Variants in EXOC6 observed in about 807,000 individuals in gnomAD.
EXOC6 encodes the protein exocyst complex component 6, also known as SEC15-like 1.
In EXOC6, 60 loss-of-function variants were observed where a neutral mutation model predicts 112.5. The ratio of observed to expected loss-of-function variants is 0.53; its 90% CI spans 0.43 to 0.66. EXOC6 has a LOEUF of 0.66. Ranked by LOEUF, EXOC6 falls within the 30% of genes least tolerant of loss-of-function variation. The probability of loss-of-function intolerance (pLI) is 0.00; values close to 1 mark genes in which losing one functional copy is unlikely to be tolerated. For missense variants in EXOC6, 855 were observed against 957.1 expected (o/e 0.89, Z 1.41); for synonymous variants, 295 against 308.0 (o/e 0.96, Z 0.44).
intron 20 of EXOC6, among the ~76,000 whole-genome samples, chr10:93,049,357 G>A (rs965113215): frequency 3.3e-5 from 5 of 152,028 alleles, no homozygotes; most frequent in African/African-American, 9.7e-5. Flanking sequence ...CACCGTGCCC[G>A]GCCCAGCAGC....
In EXOC6 at chr10:92,964,003, T is replaced by A. The variant is rs547864571; in HGVS notation, c.1773+8289T>A. Among the ~76,000 whole-genome samples the A allele has an allele frequency of 5.5e-3, 800 of 145,324 alleles. 4 individuals are homozygous for A. Among genetic ancestry groups the A allele is most frequent in the African/African-American group, 0.016 (644 of 39,934 alleles). On this transcript the variant is annotated intron_variant, in intron 17 of 21. Coordinates refer to ENST00000260762, the MANE Select transcript of EXOC6 (RefSeq NM_019053.6). ...TATCCTAAAGCCTAATACTCTTTTT[T>A]AAAAAAAAAAAAATCACAGTAATAT...
chr10:93,009,807 G>A (rs1249804349), intron 19 of EXOC6, among the ~76,000 whole-genome samples: 2 of 152,192 alleles, frequency 1.3e-5, no homozygotes, highest in Non-Finnish European at 2.9e-5. Flanking sequence ...ATGATGAGAT[G>A]AGGCTGGCAG....
intron 5 of EXOC6, among the ~76,000 whole-genome samples, chr10:92,904,497 T>C (rs1016064032): frequency 6.6e-6 from 1 of 152,084 alleles, no homozygotes; most frequent in African/African-American, 2.4e-5. Context: ...CCTATTCTAA[T>C]AGGTGTGTAA....
chr10:93,038,062 A>C (rs1845596360), intron 20 of EXOC6, among the ~76,000 whole-genome samples: 1 of 149,812 alleles, frequency 6.7e-6, no homozygotes, highest in African/African-American at 2.5e-5. Flanking sequence ...AAAAAAAAAA[A>C]AAAATTTTTC....
In EXOC6 at chr10:92,828,946, CT is replaced by C. The variant is rs1412097577; in HGVS notation, c.-27+2006del. Among the ~76,000 whole-genome samples, 12 of 152,046 alleles carry C rather than the reference CT, an allele frequency of 7.9e-5. No individual in the cohort carries two copies. In the East Asian group the frequency reaches 2.3e-3, roughly 29 times the overall value. ...TAAGGAAGTCCTCCGTAAACTTTTCCTTTTAATGAAAAGCAGCCTCCAAATC... is the reference window on the plus strand; with the variant it reads ...TAAGGAAGTCCTCCGTAAACTTTTCCTTTAATGAAAAGCAGCCTCCAAATC... On this transcript the variant is annotated intron_variant, in intron 1 of 22. Transcript: ENST00000671701.
Position 92,935,803 on chromosome 10 carries a change from T to G in EXOC6, c.1141-11T>G. 6.3e-7 allele frequency: 1 copy of G among 1,593,962 alleles called. No homozygotes were observed. The highest frequency in any genetic ancestry group is 8.6e-7 in the Non-Finnish European group (1 of 1,165,352). On this transcript the variant is annotated splice_polypyrimidine_tract_variant and intron_variant, in intron 11 of 21. Transcript: ENST00000260762. ...CGGTGTTTTGTTTTGTTTGTGTGTTTCCACCCTCAGTCCTATTGCACTGAT... is the reference window on the plus strand; with the variant it reads ...CGGTGTTTTGTTTTGTTTGTGTGTTGCCACCCTCAGTCCTATTGCACTGAT...
intron 1 of EXOC6, among the ~76,000 whole-genome samples, chr10:92,855,101 A>G (rs1847536182): frequency 6.6e-6 from 1 of 152,150 alleles, no homozygotes; most frequent in African/African-American, 2.4e-5. Context: ...TAATTTTTTT[A>G]GAGACAAAAT....
intron 6 of EXOC6, among the ~76,000 whole-genome samples, chr10:92,912,793 T>C (rs1850862497): frequency 6.6e-6 from 1 of 152,156 alleles, no homozygotes; most frequent in Non-Finnish European, 1.5e-5. Flanking sequence ...GGAGTATGCC[T>C]TAACCCTAAA....
intron 21 of EXOC6, 55 bp downstream of exon 21, chr10:93,057,091 G>GA: frequency 1.1e-6 from 1 of 910,918 alleles, no homozygotes; most frequent in Non-Finnish European, 1.7e-6. Flanking sequence ...TTGATTCAGT[G>GA]ATAAACTGAA....
chr10:92,895,926 A>AT (rs1174139448), intron 4 of EXOC6, among the ~76,000 whole-genome samples: 45 of 99,182 alleles, frequency 4.5e-4, no homozygotes, highest in Non-Finnish European at 6.8e-4. Context: ...TAAACTTATT[A>AT]TTTTTTTTTT....
intron 20 of EXOC6, among the ~76,000 whole-genome samples, chr10:93,051,186 T>C (rs139394073): frequency 1.3e-5 from 2 of 152,160 alleles, no homozygotes; most frequent in Admixed American, 6.5e-5. Flanking sequence ...CTAGAGGTTA[T>C]CTAGGACTAC....
intron 20 of EXOC6, among the ~76,000 whole-genome samples, chr10:93,023,203 AC>A (rs1481194511): frequency 6.6e-6 from 1 of 151,950 alleles, no homozygotes; most frequent in African/African-American, 2.4e-5. Flanking sequence ...TTACCTGCCC[AC>A]CCGGACTTTG....
Position 92,895,037 on chromosome 10 carries a change from TA to T in EXOC6, c.412+18del. ...GCCTTCCTGGTGAGTTAAACTTGTC[TA>T]TAATAAAACGTTTGGCTTGGTAAAG... is the stretch of plus-strand genomic sequence containing the variant. On this transcript the variant is annotated intron_variant, in intron 4 of 21. Coordinates refer to ENST00000260762, the MANE Select transcript of EXOC6 (RefSeq NM_019053.6). 1 of 1,468,080 alleles carries T rather than the reference TA, an allele frequency of 6.8e-7. No homozygotes were observed. The highest frequency in any genetic ancestry group is 9.5e-7 in the Non-Finnish European group (1 of 1,049,242). The allele number at this position is 1,468,080 out of a possible 1,614,324, so 90.9% of individuals were successfully genotyped here.
intron 19 of EXOC6, among the ~76,000 whole-genome samples, chr10:93,002,137 T>TC (rs932184506): frequency 6.6e-6 from 1 of 152,076 alleles, no homozygotes; most frequent in African/African-American, 2.4e-5. Flanking sequence ...TGTGTATTCC[T>TC]CCCCCCCTTT....
chr10:93,048,711 G>A (rs896594928), intron 20 of EXOC6, among the ~76,000 whole-genome samples: 6 of 147,630 alleles, frequency 4.1e-5, no homozygotes, highest in East Asian at 4.0e-4. Context: ...AGCCAAGATC[G>A]TGCCACTGCA....
intron 17 of EXOC6, among the ~76,000 whole-genome samples, chr10:92,959,349 C>A (rs1853862156): frequency 6.6e-6 from 1 of 152,138 alleles, no homozygotes; most frequent in Admixed American, 6.6e-5. Context: ...CAAAAACTGA[C>A]TCAAAATGTT....
chr10:92,937,986 T>G (rs1023501311), intron 12 of EXOC6, among the ~76,000 whole-genome samples: 1 of 152,182 alleles, frequency 6.6e-6, no homozygotes, highest in African/African-American at 2.4e-5. Flanking sequence ...CAAAGTTTAG[T>G]GCAGTTGGCA....
chr10:92,895,676 G>T (rs1849710839), intron 4 of EXOC6, among the ~76,000 whole-genome samples: 1 of 151,696 alleles, frequency 6.6e-6, no homozygotes, highest in Non-Finnish European at 1.5e-5. Flanking sequence ...GCAGGTATAT[G>T]ACTTTTTTTC....
chr10:93,000,500 G>A (rs1250540893), intron 19 of EXOC6, among the ~76,000 whole-genome samples: 4 of 152,118 alleles, frequency 2.6e-5, no homozygotes, highest in African/African-American at 9.7e-5. Context: ...CTGAGTATGA[G>A]CTATAACTCA....
Sources: allele counts gnomAD v4.1 joint callset (sites outside exome capture counted in the v4.1 genomes callset), GRCh38; gene constraint gnomAD v4.1.1; transcripts MANE v1.5; gene names NCBI Gene and HGNC (gene_info 2026-07-23, HGNC 2026-07-21).